SYNJ1: variants seen among roughly 807,000 people sequenced by gnomAD.
SYNJ1 encodes the protein synaptojanin 1.
A neutral mutation model predicts 168.2 loss-of-function variants in SYNJ1; 78 were observed. That is an observed-to-expected ratio of 0.46 (90% CI 0.39 to 0.56). The LOEUF (loss-of-function observed/expected upper bound fraction) is 0.56, where lower values mean the gene tolerates loss of function less well. SYNJ1 is among the 20% of genes least tolerant of loss of function. The pLI, the probability that SYNJ1 is intolerant of heterozygous loss-of-function variation, is 0.00. For missense variants in SYNJ1, 1,303 were observed against 1,597.6 expected (o/e 0.82, Z 3.14); for synonymous variants, 539 against 548.6 (o/e 0.98, Z 0.24).
rs779242639 is a variant in SYNJ1 at position 32,631,352 on chromosome 21, T to C, written c.*453A>G. The C allele has an allele frequency of 6.8e-6, 11 of 1,614,064 alleles. No individual in the cohort carries two copies. Among genetic ancestry groups the C allele is most frequent in the Middle Eastern group, 1.6e-4 (1 of 6,084 alleles). ...TGTCCTTAAAGCCATCAAGTGAAGATGAAGCCCTGCTTTTGTTATGACCAA... is the reference window on the plus strand; with the variant it reads ...TGTCCTTAAAGCCATCAAGTGAAGACGAAGCCCTGCTTTTGTTATGACCAA... On this transcript the variant is annotated 3_prime_UTR_variant, in exon 33 of 33. Transcript: ENST00000674351.
chr21:32,656,065 T>G (rs2040442000), intron 21 of SYNJ1, among the ~76,000 whole-genome samples: 1 of 152,230 alleles, frequency 6.6e-6, no homozygotes, highest in Non-Finnish European at 1.5e-5. Flanking sequence ...TTGTTACATG[T>G]TCTATTGTAT....
chr21:32,646,736 A>T, intron 23 of SYNJ1, 134 bp from the exon 24 acceptor site: 1 of 656,652 alleles, frequency 1.5e-6, no homozygotes, highest in Non-Finnish European at 2.7e-6. Context: ...CACATGGATT[A>T]AGCATGAAGG....
chr21:32,683,673 TTTTTA>T (rs2041711829), intron 10 of SYNJ1, among the ~76,000 whole-genome samples: 1 of 151,998 alleles, frequency 6.6e-6, no homozygotes, highest in South Asian at 2.1e-4. Flanking sequence ...CTAAAATAGA[TTTTTA>T]AAAGACAACA....
chr21:32,662,468 G>A (rs1267160452), intron 18 of SYNJ1, among the ~76,000 whole-genome samples: 1 of 152,132 alleles, frequency 6.6e-6, no homozygotes, highest in Non-Finnish European at 1.5e-5. Flanking sequence ...GGAAACGACT[G>A]CCCAGATGTG....
At chr21:32,683,997 C>T in intron 10 of SYNJ1, 41 bp downstream of exon 10, 1 of 1,546,344 alleles carries the variant, frequency 6.5e-7, no homozygotes, top group Non-Finnish European at 8.9e-7. Flanking sequence ...CTTAAAGAGG[C>T]AGATGATACA....
intron 12 of SYNJ1, among the ~76,000 whole-genome samples, chr21:32,677,304 T>C (rs923394814): frequency 4.6e-5 from 7 of 152,206 alleles, no homozygotes; most frequent in Admixed American, 4.6e-4. Flanking sequence ...AAATCATGCA[T>C]AAGCTCATGC....
intron 29 of SYNJ1, among the ~76,000 whole-genome samples, chr21:32,641,112 T>A (rs1258244932): frequency 2.6e-5 from 4 of 152,188 alleles, no homozygotes; most frequent in African/African-American, 9.6e-5. Context: ...AAAGCTTCTA[T>A]CTTCATAGGA....
intron 18 of SYNJ1, among the ~76,000 whole-genome samples, chr21:32,662,563 T>A (rs2040756347): frequency 6.6e-6 from 1 of 152,102 alleles, no homozygotes. Context: ...TTGTAAATGA[T>A]ACAAGTATTA....
At chr21:32,647,982 ACACTT>A (rs2040135933) in intron 23 of SYNJ1, among the ~76,000 whole-genome samples, 2 of 152,158 alleles carry the variant, frequency 1.3e-5, no homozygotes, top group African/African-American at 4.8e-5. Flanking sequence ...GATCACTTCA[ACACTT>A]CACAGAGAAG....
intron 12 of SYNJ1, among the ~76,000 whole-genome samples, chr21:32,678,416 G>A (rs2041494646): frequency 6.6e-6 from 1 of 152,076 alleles, no homozygotes; most frequent in Non-Finnish European, 1.5e-5. Flanking sequence ...ATAATCTATA[G>A]AAGAAACCAT....
At chr21:32,651,041 G>C (rs759485630) in intron 22 of SYNJ1, among the ~76,000 whole-genome samples, 1 of 152,176 alleles carries the variant, frequency 6.6e-6, no homozygotes, top group African/African-American at 2.4e-5. Flanking sequence ...AATTATAGCA[G>C]ATCGTGTCAA....
chr21:32,647,373 C>T (rs762506022), intron 23 of SYNJ1, among the ~76,000 whole-genome samples: 3 of 152,194 alleles, frequency 2.0e-5, no homozygotes, highest in Non-Finnish European at 4.4e-5. Flanking sequence ...CATCTTTCTG[C>T]GTGGCATCAA....
chr21:32,656,257 CCCTG>C (rs931294311), intron 21 of SYNJ1, among the ~76,000 whole-genome samples: 2 of 152,108 alleles, frequency 1.3e-5, no homozygotes, highest in Non-Finnish European at 2.9e-5. Context: ...CATGGTGAAA[CCCTG>C]CCTCTACAAA....
At chr21:32,645,955 C>T (rs2040049625) in intron 24 of SYNJ1, 166 bp from the exon 25 acceptor site, 2 of 1,037,758 alleles carry the variant, frequency 1.9e-6, no homozygotes, top group East Asian at 2.4e-5. Context: ...TATTAAACTG[C>T]CCTTTGGTAC....
At position 32,634,525 on chromosome 21, in the gene SYNJ1, T is replaced by G. The variant is rs529471898; in HGVS notation, c.*3+336A>C. Among the ~76,000 whole-genome samples, 4 of 152,318 alleles carry G rather than the reference T, an allele frequency of 2.6e-5. No homozygotes were observed. In the South Asian group the frequency reaches 6.2e-4, roughly 24 times the overall value. On this transcript the variant is annotated intron_variant, in intron 32 of 32. Transcript: ENST00000674351. The stretch of plus-strand genomic sequence containing the variant: ...TTTTGTGTTTATGTAATTACATAAA[T>G]GCCATTGTTAAAACCAAGAACCGAT...
intron 10 of SYNJ1, 48 bp from the exon 11 acceptor site, chr21:32,681,696 T>C: frequency 6.5e-7 from 1 of 1,529,250 alleles, no homozygotes; most frequent in Non-Finnish European, 8.8e-7. Flanking sequence ...ATATATTAAT[T>C]GTAATATGGC....
chr21:32,728,193 C>T (rs548165146), upstream of SYNJ1: 20 of 887,686 alleles, frequency 2.3e-5, no homozygotes, highest in African/African-American at 3.1e-4. Flanking sequence ...CTCCTGCGGC[C>T]GCCCCCAGGC....
chr21:32,698,680 T>C (rs898894174), intron 4 of SYNJ1, among the ~76,000 whole-genome samples: 1 of 152,224 alleles, frequency 6.6e-6, no homozygotes, highest in African/African-American at 2.4e-5. Flanking sequence ...TTGTGCCTAC[T>C]TAGAATACAG....
Position 32,645,691 on chromosome 21 carries a change from G to T in SYNJ1, c.3346C>A (p.Pro1116Thr), listed in dbSNP as rs372632176. The change falls in exon 25 of 33, where the codon CCT becomes ACT. Residue 1116 changes from proline (P) to threonine (T), a missense_variant. By Grantham distance (38) the Pro-to-Thr change is conservative (BLOSUM62 -1). Around this residue, in one of 2 missense-constraint regions of SYNJ1, gnomAD observed 383 missense variants for 388.8 expected, o/e 0.99. Transcript: ENST00000674351. The stretch of plus-strand genomic sequence containing the variant: ...TGTGGGGGAGCCGGGCGTGTGGGAG[G>T]GGCGACCGGGCGGGGCGGCGGCGGC... Reference protein sequence around the residue: ...KRPPPPRPVAPPTRPAPPQRP... With the variant: ...KRPPPPRPVATPTRPAPPQRP... The T allele has an allele frequency of 4.7e-6, 7 of 1,497,030 alleles. No homozygotes were observed. Among genetic ancestry groups the T allele is most frequent in the Non-Finnish European group, 6.2e-6 (7 of 1,127,476 alleles). 92.7% of individuals were successfully genotyped at this position (1,497,030 alleles called of 1,614,324 possible).
Sources: gnomAD v4.1 joint callset for allele counts (sites outside exome capture counted in the v4.1 genomes callset) on GRCh38, gnomAD v4.1.1 for gene constraint, gnomAD v4.1.1 regional missense constraint, MANE v1.5 for transcripts, NCBI Gene and HGNC (gene_info 2026-07-23, HGNC 2026-07-21) for gene names.